The following PTPRN2 variants were observed in gnomAD, a reference collection of about 807,000 sequenced individuals.
PTPRN2 encodes the protein receptor-type tyrosine-protein phosphatase N2.
Under a neutral mutation model 118.8 loss-of-function variants are expected in PTPRN2, and 74 were observed. That is an observed-to-expected ratio of 0.62 (90% CI 0.52 to 0.76). The LOEUF is 0.76. PTPRN2 is among the 30% of genes least tolerant of loss of function. PTPRN2 has a pLI of 0.00. For synonymous variants in PTPRN2, 641 were observed against 608.0 expected, an observed-to-expected ratio of 1.05 and a Z score of -0.80; for missense variants, 1,481 against 1,394.4, an observed-to-expected ratio of 1.06 and a Z score of -0.99.
At chr7:157,656,937 AC>A (rs1806169460) in intron 13 of PTPRN2, among the ~76,000 whole-genome samples, 1 of 127,726 alleles carries the variant, frequency 7.8e-6, no homozygotes, top group Admixed American at 7.8e-5. Flanking sequence ...ACACACACAC[AC>A]CACACACATC....
At chr7:158,177,359 A>G (rs1201066595) in intron 5 of PTPRN2, among the ~76,000 whole-genome samples, 1 of 151,982 alleles carries the variant, frequency 6.6e-6, no homozygotes, top group South Asian at 2.1e-4. Context: ...GGCCATTTGT[A>G]TATCTTTTTA....
intron 2 of PTPRN2, among the ~76,000 whole-genome samples, chr7:158,451,324 T>A (rs1025240603): frequency 1.3e-5 from 2 of 152,218 alleles, no homozygotes; most frequent in African/African-American, 4.8e-5. Context: ...CTTTACGGTG[T>A]CTTTTTTACT....
chr7:157,795,360 C>T (rs1804805829), intron 12 of PTPRN2, among the ~76,000 whole-genome samples: 1 of 152,244 alleles, frequency 6.6e-6, no homozygotes, highest in African/African-American at 2.4e-5. Flanking sequence ...GCCCCAGCCA[C>T]AGCCTGCAAA....
chr7:157,753,891 G>A (rs1435044492), intron 12 of PTPRN2, among the ~76,000 whole-genome samples: 5 of 151,840 alleles, frequency 3.3e-5, no homozygotes, highest in South Asian at 4.2e-4. Context: ...CCCCATCCGC[G>A]GCCATGGCTG....
At position 157,676,431 on chromosome 7, in the gene PTPRN2, G is replaced by A. The variant is rs1486168806; in HGVS notation, c.2001+6294C>T. Among the ~76,000 whole-genome samples, 1 of 152,168 alleles carries A rather than the reference G, an allele frequency of 6.6e-6. No homozygotes were observed. The highest frequency in any genetic ancestry group is 2.1e-4 in the South Asian group (1 of 4,818). On this transcript the variant is annotated intron_variant, in intron 13 of 22. Transcript: ENST00000389418. The surrounding 1 kb of genome is among the most constrained non-coding windows in gnomAD (Gnocchi z 5.6). ...GCGTGGACTAATGCTGTTTACCGCCGGTTCACTTTCATTGCAAACTCCTCA... is the reference window on the plus strand; with the variant it reads ...GCGTGGACTAATGCTGTTTACCGCCAGTTCACTTTCATTGCAAACTCCTCA...
chr7:158,139,535 A>C (rs1275037156), intron 6 of PTPRN2, among the ~76,000 whole-genome samples: 3 of 152,092 alleles, frequency 2.0e-5, no homozygotes, highest in Non-Finnish European at 4.4e-5. Context: ...AAGAAAGCCC[A>C]CAAGTCTCTC....
In PTPRN2 at chr7:158,390,061, C is replaced by T. The variant is rs139532559; in HGVS notation, c.164-73129G>A. Among the ~76,000 whole-genome samples, 762 of 152,364 alleles carry T rather than the reference C, an allele frequency of 5.0e-3. 6 individuals carry two copies. The highest frequency in any genetic ancestry group is 0.017 in the African/African-American group (721 of 41,598). ...GGATGAAGCCTCTCAAACGTCTACA[C>T]GATACTCAGCTGCGTTTATTCAAAC... On this transcript the variant is annotated intron_variant, in intron 2 of 22. Transcript: ENST00000389418.
chr7:158,195,079 C>T (rs1393658547), intron 4 of PTPRN2, among the ~76,000 whole-genome samples: 1 of 152,218 alleles, frequency 6.6e-6, no homozygotes, highest in Non-Finnish European at 1.5e-5. Context: ...CATCTGGCAC[C>T]TTTCCCTTCT....
At chr7:157,911,763 T>A (rs1798118258) in intron 11 of PTPRN2, among the ~76,000 whole-genome samples, 1 of 152,194 alleles carries the variant, frequency 6.6e-6, no homozygotes, top group Admixed American at 6.5e-5. Flanking sequence ...ATAGTTTCTG[T>A]ATGTAGACTT....
chr7:158,292,797 G>A (rs1012056383), intron 3 of PTPRN2, among the ~76,000 whole-genome samples: 5 of 152,376 alleles, frequency 3.3e-5, no homozygotes, highest in African/African-American at 1.2e-4. Context: ...GCCGGGCATG[G>A]TGGCTCACGC....
Position 158,015,454 on chromosome 7 carries a change from T to TGAGA in PTPRN2, c.1723+65840_1723+65843dup, listed in dbSNP as rs147111668. 0.16 allele frequency among the ~76,000 whole-genome samples: 20,168 copies of TGAGA among 127,474 alleles called. 1,379 individuals are homozygous for TGAGA. Among genetic ancestry groups the TGAGA allele is most frequent in the Admixed American group, 0.21 (2,392 of 11,446 alleles). 83.6% of individuals were successfully genotyped at this position (127,474 alleles called of 152,430 possible). On this transcript the variant is annotated intron_variant, in intron 11 of 22. Coordinates refer to ENST00000389418, the MANE Select transcript of PTPRN2 (RefSeq NM_002847.5). The surrounding 1 kb of genome is among the most constrained non-coding windows in gnomAD (Gnocchi z 4.2). ...AGGGAAAAAGTGAGAGGAGGGGTGG[T>TGAGA]GAGAGAGAGAGAGAGAGGAAGAGAG...
At chr7:157,640,116 C>T (rs981608097) in intron 14 of PTPRN2, among the ~76,000 whole-genome samples, 1 of 152,162 alleles carries the variant, frequency 6.6e-6, no homozygotes, top group Non-Finnish European at 1.5e-5. Flanking sequence ...AAAGAGCAGG[C>T]TTAGACCCAT....
intron 2 of PTPRN2, among the ~76,000 whole-genome samples, chr7:158,463,719 T>C (rs1456011412): frequency 6.6e-6 from 1 of 152,120 alleles, no homozygotes; most frequent in African/African-American, 2.4e-5. Flanking sequence ...ACCATCGCCA[T>C]CATTGCCATG....
At chr7:158,025,539 C>T (rs1485077739) in intron 11 of PTPRN2, among the ~76,000 whole-genome samples, 1 of 152,164 alleles carries the variant, frequency 6.6e-6, no homozygotes, top group Non-Finnish European at 1.5e-5. Flanking sequence ...GTGACAAGGC[C>T]TAACTCCACA....
In PTPRN2 at chr7:157,787,037, C is replaced by T. The variant is rs149005497; in HGVS notation, c.1789-104100G>A. ...AGGCGGACACAGGTGCGGCGGGGGA[C>T]GCGGGGGTGGCTGCCCGGGAGGCGG... On this transcript the variant is annotated intron_variant, in intron 12 of 22. Transcript: ENST00000389418. This position sits in a 1 kb window ranked among gnomAD's most constrained non-coding sequence, Gnocchi z 5.3. 0.064 allele frequency among the ~76,000 whole-genome samples: 9,246 copies of T among 143,446 alleles called. 386 individuals carry two copies. The highest frequency in any genetic ancestry group is 0.12 in the African/African-American group (4,423 of 37,932). The allele number at this position is 143,446 out of a possible 152,430, so 94.1% of individuals were successfully genotyped here.
In PTPRN2 at chr7:157,729,028, C is replaced by T. The variant is rs1009950382; in HGVS notation, c.1789-46091G>A. 5.9e-5 allele frequency among the ~76,000 whole-genome samples: 9 copies of T among 152,158 alleles called. No homozygotes were observed. Among genetic ancestry groups the T allele is most frequent in the African/African-American group, 2.2e-4 (9 of 41,424 alleles). The stretch of plus-strand genomic sequence containing the variant: ...GTGATCCAGTCACACAGAGGTCGGT[C>T]GTTGTCTGGACACAGACAATGGGAA... On this transcript the variant is annotated intron_variant, in intron 12 of 22. Transcript: ENST00000389418. This position sits in a 1 kb window ranked among gnomAD's most constrained non-coding sequence, Gnocchi z 4.3.
chr7:158,569,707 C>CGCGGGGCGCGAGGCCGCCTGACAGGAAT, intron 1 of PTPRN2, among the ~76,000 whole-genome samples: 1 of 137,162 alleles, frequency 7.3e-6, no homozygotes, highest in Non-Finnish European at 1.6e-5. Context: ...CTGACAGGAA[C>CGCGGGGCGCGAGGCCGCCTGACAGGAAT]GCGGGGCGCG....
intron 6 of PTPRN2, among the ~76,000 whole-genome samples, chr7:158,146,455 C>A (rs1376620822): frequency 3.3e-5 from 5 of 152,088 alleles, no homozygotes; most frequent in Admixed American, 6.5e-5. Context: ...GGCTTGGTGG[C>A]TCACACCTGT....
chr7:157,673,196 G>A lies in PTPRN2; in HGVS notation c.2001+9529C>T, dbSNP rs150345856. Reference sequence around the variant, plus strand: ...ACGCCACCACACCTGGCTAATTTTTGTATTTTTAATAGAGACGGGGTTTCG... The same window carrying A: ...ACGCCACCACACCTGGCTAATTTTTATATTTTTAATAGAGACGGGGTTTCG... On this transcript the variant is annotated intron_variant, in intron 13 of 22. Transcript: ENST00000389418. Among the ~76,000 whole-genome samples, 498 of 152,230 alleles carry A rather than the reference G, an allele frequency of 3.3e-3. 5 individuals carry two copies. Among genetic ancestry groups the A allele is most frequent in the African/African-American group, 0.011 (476 of 41,526 alleles).
Sources: allele counts gnomAD v4.1 joint callset (sites outside exome capture counted in the v4.1 genomes callset), GRCh38; gene constraint gnomAD v4.1.1; non-coding constraint Gnocchi (gnomAD v3.1); transcripts MANE v1.5; gene names NCBI Gene and HGNC (gene_info 2026-07-23, HGNC 2026-07-21).